Variants in AUTS2 observed in about 807,000 individuals in gnomAD.
AUTS2 encodes the protein autism susceptibility gene 2 protein.
In AUTS2, 17 loss-of-function variants were observed where a neutral mutation model predicts 112.4. The ratio of observed to expected loss-of-function variants is 0.15; its 90% CI spans 0.10 to 0.23. AUTS2 has a LOEUF of 0.23. Among genes scored for constraint, AUTS2 ranks in the 10% least tolerant of loss-of-function variants. The pLI, the probability that AUTS2 is intolerant of heterozygous loss-of-function variation, is 1.00. For missense variants in AUTS2, 1,510 were observed against 1,701.6 expected, an observed-to-expected ratio of 0.89 and a Z score of 1.98; for synonymous variants, 751 against 702.7, an observed-to-expected ratio of 1.07 and a Z score of -1.09.
At chr7:70,598,449 A>G (rs1354060345) in intron 5 of AUTS2, among the ~76,000 whole-genome samples, 2 of 152,224 alleles carry the variant, frequency 1.3e-5, no homozygotes, top group Non-Finnish European at 2.9e-5. Context: ...TGAGCCTTGT[A>G]ACGTTCAAAA....
At chr7:69,829,307 A>AGT (rs1221709296) in intron 1 of AUTS2, among the ~76,000 whole-genome samples, 1 of 152,240 alleles carries the variant, frequency 6.6e-6, no homozygotes. Context: ...AAACCTAGGC[A>AGT]GTACCATTCA....
rs147146646 is a variant in AUTS2, at chr7:69,804,779, G to A, written c.310-94507G>A. 3.2e-4 allele frequency among the ~76,000 whole-genome samples: 48 copies of A among 152,264 alleles called. No homozygotes were observed. In the East Asian group the frequency reaches 8.7e-3, roughly 28 times the overall value. ...GATTTTACTTCTTTACCAGAATAGT[G>A]GTTATCAAAGTGTGGTCTTCGAAGC... On this transcript the variant is annotated intron_variant, in intron 1 of 18. Coordinates refer to ENST00000342771, the MANE Select transcript of AUTS2 (RefSeq NM_015570.4).
intron 4 of AUTS2, among the ~76,000 whole-genome samples, chr7:70,191,192 A>G (rs1257273341): frequency 4.9e-5 from 6 of 123,590 alleles, no homozygotes; most frequent in Non-Finnish European, 9.6e-5. Context: ...TTTTTGAGAC[A>G]GAGTCTCCTC....
At chr7:70,334,120 GC>G (rs1790882160) in intron 4 of AUTS2, among the ~76,000 whole-genome samples, 1 of 152,148 alleles carries the variant, frequency 6.6e-6, no homozygotes, top group Non-Finnish European at 1.5e-5. Flanking sequence ...AACTTCCAGT[GC>G]AATGTTGAAT....
At chr7:70,579,608 G>T (rs1362723508) in intron 5 of AUTS2, among the ~76,000 whole-genome samples, 8 of 152,140 alleles carry the variant, frequency 5.3e-5, no homozygotes, top group African/African-American at 1.7e-4. Flanking sequence ...CCTGCCCAGG[G>T]ATAAGACAGA....
chr7:70,345,079 C>T (rs1199428992), intron 4 of AUTS2, among the ~76,000 whole-genome samples: 1 of 152,206 alleles, frequency 6.6e-6, no homozygotes, highest in Non-Finnish European at 1.5e-5. Context: ...GTCTTCTGAT[C>T]TTGCCTATTC....
intron 1 of AUTS2, among the ~76,000 whole-genome samples, chr7:69,790,708 G>A (rs1221978492): frequency 6.6e-6 from 1 of 152,224 alleles, no homozygotes; most frequent in Non-Finnish European, 1.5e-5. Context: ...GTTTATCAGA[G>A]CATAGTCTCA....
intron 4 of AUTS2, among the ~76,000 whole-genome samples, chr7:70,324,806 A>G (rs980845949): frequency 5.9e-5 from 9 of 152,272 alleles, no homozygotes; most frequent in Non-Finnish European, 5.9e-5. Flanking sequence ...GCACCTTGCC[A>G]TGTGGCGGGA....
intron 2 of AUTS2, among the ~76,000 whole-genome samples, chr7:70,044,319 A>G: frequency 6.6e-6 from 1 of 152,188 alleles, no homozygotes; most frequent in Non-Finnish European, 1.5e-5. Flanking sequence ...ATGTGCTATA[A>G]TTCTTTGCTG....
intron 1 of AUTS2, among the ~76,000 whole-genome samples, chr7:69,834,321 A>C (rs1362254494): frequency 6.6e-6 from 1 of 152,124 alleles, no homozygotes; most frequent in African/African-American, 2.4e-5. Context: ...AGCCAGTTTC[A>C]TCTCTTCTAT....
intron 4 of AUTS2, among the ~76,000 whole-genome samples, chr7:70,215,368 A>G (rs1039560242): frequency 2.0e-5 from 3 of 152,220 alleles, no homozygotes; most frequent in Admixed American, 1.3e-4. Flanking sequence ...CTGCTCCTGC[A>G]TATTATTTGT....
intron 4 of AUTS2, among the ~76,000 whole-genome samples, chr7:70,379,530 T>G (rs1287520231): frequency 6.6e-6 from 1 of 151,802 alleles, no homozygotes; most frequent in African/African-American, 2.4e-5. Flanking sequence ...AAAGAAAAAC[T>G]ATCATTAGAC....
chr7:69,914,360 C>CACACACACAG (rs1554403910), intron 2 of AUTS2, among the ~76,000 whole-genome samples: 4 of 139,376 alleles, frequency 2.9e-5, no homozygotes, highest in African/African-American at 8.5e-5. Flanking sequence ...CACACAGACA[C>CACACACACAG]ACACACACAC....
chr7:70,648,579 T>G (rs1403163707), intron 5 of AUTS2, among the ~76,000 whole-genome samples: 1 of 152,174 alleles, frequency 6.6e-6, no homozygotes, highest in African/African-American at 2.4e-5. Context: ...TTTGGTTTTT[T>G]GTTTTGTTTC....
chr7:70,244,138 G>T (rs1334875099), intron 4 of AUTS2, among the ~76,000 whole-genome samples: 1 of 151,842 alleles, frequency 6.6e-6, no homozygotes, highest in Admixed American at 6.6e-5. Flanking sequence ...ATAGAAAGAA[G>T]AAAAAGTTAT....
At chr7:70,722,897 G>A (rs1786781966) in intron 6 of AUTS2, among the ~76,000 whole-genome samples, 1 of 152,162 alleles carries the variant, frequency 6.6e-6, no homozygotes, top group African/African-American at 2.4e-5. Flanking sequence ...TACTTTTGAA[G>A]ACCCAGTGGG....
chr7:70,335,886 G>T (rs1790967265), intron 4 of AUTS2, among the ~76,000 whole-genome samples: 1 of 152,196 alleles, frequency 6.6e-6, no homozygotes. Flanking sequence ...GTCTCTGTAT[G>T]TAGTTATGGA....
At chr7:70,436,075 T>C in intron 5 of AUTS2, 1 of 317,798 alleles carries the variant, frequency 3.1e-6, no homozygotes, top group Non-Finnish European at 5.7e-6. Flanking sequence ...AAGACAAAAT[T>C]ATTTATTTTA....
intron 2 of AUTS2, among the ~76,000 whole-genome samples, chr7:70,037,816 A>C (rs1254234434): frequency 6.6e-6 from 1 of 152,176 alleles, no homozygotes; most frequent in African/African-American, 2.4e-5. Flanking sequence ...TGTTGTTATT[A>C]TAGGATTAAA....
Sources: gnomAD v4.1 joint callset for allele counts (sites outside exome capture counted in the v4.1 genomes callset) on GRCh38, gnomAD v4.1.1 for gene constraint, MANE v1.5 for transcripts, NCBI Gene and HGNC (gene_info 2026-07-23, HGNC 2026-07-21) for gene names.